Variants in RBFOX3 observed in about 807,000 individuals in gnomAD.
RBFOX3 encodes RNA binding protein fox-1 homolog 3.
A neutral mutation model predicts 48.7 loss-of-function variants in RBFOX3; 17 were observed. That is an observed-to-expected ratio of 0.35 (90% confidence interval 0.24 to 0.52). RBFOX3 has a LOEUF of 0.52. Ranked by LOEUF, RBFOX3 falls within the 20% of genes least tolerant of loss-of-function variation. RBFOX3 has a pLI of 0.94. For missense variants in RBFOX3, 382 were observed against 497.5 expected (o/e 0.77, Z 2.21); for synonymous variants, 212 against 209.5 (o/e 1.01, Z -0.10).
chr17:79,221,581 C>T (rs1368318966), intron 4 of RBFOX3, among the ~76,000 whole-genome samples: 2 of 152,230 alleles, frequency 1.3e-5, no homozygotes, highest in African/African-American at 4.8e-5. Context: ...TTGGGTCCCC[C>T]AACCCAACTG....
rs539432329 is a variant in RBFOX3 at position 79,440,468 on chromosome 17, C to T, written c.-175+41986G>A. Among the ~76,000 whole-genome samples the T allele has an allele frequency of 1.6e-3, 238 of 152,246 alleles. 2 individuals are homozygous for T. Among genetic ancestry groups the T allele is most frequent in the African/African-American group, 5.5e-3 (227 of 41,518 alleles). ...GGGGCTCCATTGGCTATACCTGGGC[C>T]GGCCGAAGCCCAGACCAGGGGAGCC... On this transcript the variant is annotated intron_variant, in intron 2 of 14. Coordinates refer to ENST00000693108, the MANE Select transcript of RBFOX3 (RefSeq NM_001350451.2).
intron 2 of RBFOX3, among the ~76,000 whole-genome samples, chr17:79,325,208 G>T (rs570955351): frequency 6.6e-6 from 1 of 152,352 alleles, no homozygotes; most frequent in African/African-American, 2.4e-5. Context: ...GTGGCAGGGA[G>T]CTGCCCCCTT....
At chr17:79,366,219 A>G (rs964630813) in intron 2 of RBFOX3, among the ~76,000 whole-genome samples, 5 of 152,228 alleles carry the variant, frequency 3.3e-5, no homozygotes, top group Non-Finnish European at 7.3e-5. Flanking sequence ...AGTCATGCCC[A>G]GGCACCGCAC....
chr17:79,414,518 C>T (rs941556843), intron 2 of RBFOX3, among the ~76,000 whole-genome samples: 1 of 152,214 alleles, frequency 6.6e-6, no homozygotes. Flanking sequence ...CGAAAGCTCC[C>T]CGTGAATCCC....
At chr17:79,599,520 T>C (rs916325376) in intron 1 of RBFOX3, 150,433 of 152,410 alleles carry the variant, frequency 0.99, 74,251 homozygotes, top group Non-Finnish European at 0.99. Context: ...AGGCCACGTC[T>C]TGCGGCTCCC....
chr17:79,239,516 G>A (rs2062062530), intron 3 of RBFOX3, among the ~76,000 whole-genome samples: 1 of 152,232 alleles, frequency 6.6e-6, no homozygotes, highest in Admixed American at 6.5e-5. Context: ...AGACCCGCCT[G>A]CCAGGCTCAA....
chr17:79,157,062 G>A (rs1168216196), intron 4 of RBFOX3, among the ~76,000 whole-genome samples: 2 of 152,190 alleles, frequency 1.3e-5, no homozygotes, highest in South Asian at 2.1e-4. Context: ...CCAGGGAGGC[G>A]GTGGAGGTGG....
intron 1 of RBFOX3, among the ~76,000 whole-genome samples, chr17:79,565,401 A>G (rs1460066340): frequency 6.6e-6 from 1 of 150,628 alleles, no homozygotes; most frequent in Non-Finnish European, 1.5e-5. Flanking sequence ...CTGCAACAGC[A>G]TGATCTCAGC....
intron 2 of RBFOX3, among the ~76,000 whole-genome samples, chr17:79,331,485 G>C (rs78042403): frequency 1.3e-5 from 2 of 152,142 alleles, no homozygotes; most frequent in Non-Finnish European, 2.9e-5. Context: ...CAAATGTTTC[G>C]CTTCATTCCA....
At chr17:79,141,668 G>A (rs2041940385) in intron 4 of RBFOX3, among the ~76,000 whole-genome samples, 1 of 152,150 alleles carries the variant, frequency 6.6e-6, no homozygotes, top group Non-Finnish European at 1.5e-5. Flanking sequence ...TGAGAAGTTG[G>A]GGGTCCCTCG....
chr17:79,367,575 G>C (rs2057964826), intron 2 of RBFOX3, among the ~76,000 whole-genome samples: 1 of 152,068 alleles, frequency 6.6e-6, no homozygotes, highest in Non-Finnish European at 1.5e-5. Context: ...CGCTTTCCCT[G>C]GTTTTAAGGT....
intron 3 of RBFOX3, among the ~76,000 whole-genome samples, chr17:79,277,459 AC>A (rs1231968558): frequency 6.6e-6 from 1 of 152,210 alleles, no homozygotes; most frequent in East Asian, 1.9e-4. Flanking sequence ...GTGGGATCCA[AC>A]TTCATGACTA....
At chr17:79,620,595 G>A in the RBFOX3 span, among the ~76,000 whole-genome samples, 15 of 105,212 alleles carry the variant, frequency 1.4e-4, no homozygotes, top group East Asian at 5.9e-4. Context: ...GCACACACAC[G>A]CACGCACGCA....
chr17:79,544,571 C>T (rs1181005759), intron 1 of RBFOX3, among the ~76,000 whole-genome samples: 3 of 152,046 alleles, frequency 2.0e-5, no homozygotes, highest in East Asian at 3.9e-4. Flanking sequence ...TACCCCGACC[C>T]TCCATACCTC....
chr17:79,114,763 G>A (rs2033340253), intron 5 of RBFOX3, among the ~76,000 whole-genome samples: 1 of 152,166 alleles, frequency 6.6e-6, no homozygotes. Flanking sequence ...GGGCAGGGGA[G>A]GCACATGGAG....
chr17:79,235,498 A>C (rs937539179), intron 4 of RBFOX3: 1 of 152,650 alleles, frequency 6.6e-6, no homozygotes, highest in Admixed American at 6.5e-5. Context: ...TCCTTACCCC[A>C]TTTATCCATT....
At chr17:79,227,961 C>T (rs1185333893) in intron 4 of RBFOX3, among the ~76,000 whole-genome samples, 1 of 152,160 alleles carries the variant, frequency 6.6e-6, no homozygotes, top group African/African-American at 2.4e-5. Flanking sequence ...GGACCTCCCC[C>T]TACGAATCCT....
At position 79,385,388 on chromosome 17, in the gene RBFOX3, G is replaced by A. The variant is rs374122549; in HGVS notation, c.-174-77564C>T. Among the ~76,000 whole-genome samples the A allele has an allele frequency of 3.9e-5, 6 of 152,296 alleles. No individual in the cohort carries two copies. The South Asian group carries it at 1.0e-3, about 26-fold the overall frequency. On this transcript the variant is annotated intron_variant, in intron 2 of 14. Coordinates refer to ENST00000693108, the MANE Select transcript of RBFOX3 (RefSeq NM_001350451.2). ...GAAGGAAGAGCTTCAACTTTGCCAA[G>A]AAGCTCATGGAGGAGCCTGAAACCA...
chr17:79,579,810 A>T, intron 1 of RBFOX3, among the ~76,000 whole-genome samples: 1 of 86,640 alleles, frequency 1.2e-5, no homozygotes, highest in African/African-American at 4.8e-5. Flanking sequence ...CATGGTGGGG[A>T]GCCACTGGCG....
Sources: gnomAD v4.1 joint callset for allele counts (sites outside exome capture counted in the v4.1 genomes callset) on GRCh38, gnomAD v4.1.1 for gene constraint, MANE v1.5 for transcripts, NCBI Gene and HGNC (gene_info 2026-07-23, HGNC 2026-07-21) for gene names.